The following CARMIL1 variants were observed in gnomAD, a reference collection of about 807,000 sequenced individuals.
The protein encoded by CARMIL1 is F-actin-uncapping protein LRRC16A.
A neutral mutation model predicts 177.1 loss-of-function variants in CARMIL1; 90 were observed. The ratio of observed to expected loss-of-function variants is 0.51; its 90% CI spans 0.43 to 0.61. The LOEUF is 0.61. CARMIL1 is among the 20% of genes least tolerant of loss of function. The pLI is 0.00. For synonymous variants in CARMIL1, 577 were observed against 606.2 expected, an observed-to-expected ratio of 0.95 and a Z score of 0.71; for missense variants, 1,380 against 1,667.0, an observed-to-expected ratio of 0.83 and a Z score of 3.00.
rs190485201 is a variant in CARMIL1 at position 25,500,613 on chromosome 6, G to C, written c.1395+378G>C. Among the ~76,000 whole-genome samples, 3 of 152,246 alleles carry C rather than the reference G, an allele frequency of 2.0e-5. No individual in the cohort carries two copies. The East Asian group carries it at 5.8e-4, about 29-fold the overall frequency. On this transcript the variant is annotated intron_variant, in intron 17 of 36. Coordinates refer to ENST00000329474, the MANE Select transcript of CARMIL1 (RefSeq NM_017640.6). ...TAACCTAACTTGGATTTTGTAGAGC[G>C]TGAAAGAGAATGGCTGTCTTATTAA...
rs77282484 is a variant in CARMIL1 at position 25,445,828 on chromosome 6, A to G, written c.372-4070A>G. ...GACACAAAATATATTTCTTAATAAG[A>G]CTTGAAAGTCAAACCTATTCCTGGA... is the stretch of plus-strand genomic sequence containing the variant. On this transcript the variant is annotated intron_variant, in intron 5 of 36. Transcript: ENST00000329474. Among the ~76,000 whole-genome samples the G allele has an allele frequency of 4.5e-4, 69 of 152,266 alleles. 2 individuals carry two copies. In the South Asian group the frequency reaches 7.1e-3, roughly 16 times the overall value.
At chr6:25,463,846 G>A (rs1392376007) in intron 8 of CARMIL1, among the ~76,000 whole-genome samples, 6 of 115,094 alleles carry the variant, frequency 5.2e-5, no homozygotes, top group Non-Finnish European at 8.9e-5. Context: ...TTTTTGAGAC[G>A]GAGTCTCGCT....
At chr6:25,599,826 A>G (rs188494974) in intron 32 of CARMIL1, among the ~76,000 whole-genome samples, 3 of 152,196 alleles carry the variant, frequency 2.0e-5, no homozygotes, top group Admixed American at 2.0e-4. Context: ...TCTGATGACT[A>G]TCTTGAGTAA....
intron 11 of CARMIL1, among the ~76,000 whole-genome samples, chr6:25,473,550 G>T (rs934415826): frequency 1.3e-5 from 2 of 152,018 alleles, no homozygotes; most frequent in Non-Finnish European, 2.9e-5. Context: ...CATCATAAAG[G>T]TCTTTATCTT....
At chr6:25,506,823 T>C (rs569796165) in intron 17 of CARMIL1, among the ~76,000 whole-genome samples, 11 of 152,350 alleles carry the variant, frequency 7.2e-5, no homozygotes, top group Admixed American at 3.9e-4. Context: ...CTTATCTTTT[T>C]AAATGACAAA....
chr6:25,464,839 A>G (rs1406771928), intron 8 of CARMIL1, among the ~76,000 whole-genome samples: 1 of 152,186 alleles, frequency 6.6e-6, no homozygotes, highest in Non-Finnish European at 1.5e-5. Flanking sequence ...TGAACAGAGC[A>G]GTAAAAGATT....
At chr6:25,381,144 T>C (rs1791486676) in intron 2 of CARMIL1, among the ~76,000 whole-genome samples, 1 of 152,228 alleles carries the variant, frequency 6.6e-6, no homozygotes. Flanking sequence ...ATTCAGTTTT[T>C]GAATTTCTTT....
intron 2 of CARMIL1, among the ~76,000 whole-genome samples, chr6:25,312,529 T>A (rs1783915201): frequency 6.6e-6 from 1 of 152,232 alleles, no homozygotes; most frequent in Non-Finnish European, 1.5e-5. Flanking sequence ...ATGATAACGC[T>A]GGAATTTTCA....
At chr6:25,369,085 TG>T (rs1326294501) in intron 2 of CARMIL1, among the ~76,000 whole-genome samples, 9 of 152,236 alleles carry the variant, frequency 5.9e-5, no homozygotes, top group African/African-American at 2.2e-4. Flanking sequence ...TAAGTTTATC[TG>T]AACTTTTAGG....
At chr6:25,603,845 A>G (rs1815665774) in intron 33 of CARMIL1, among the ~76,000 whole-genome samples, 1 of 152,062 alleles carries the variant, frequency 6.6e-6, no homozygotes, top group African/African-American at 2.4e-5. Flanking sequence ...TTCTACTCCT[A>G]CCCCAAGACA....
chr6:25,404,099 C>A (rs1352901692), intron 2 of CARMIL1, among the ~76,000 whole-genome samples: 1 of 152,198 alleles, frequency 6.6e-6, no homozygotes, highest in Non-Finnish European at 1.5e-5. Context: ...CCCTGCCTCC[C>A]CTCCACTTCT....
At chr6:25,363,566 A>G (rs1357152969) in intron 2 of CARMIL1, among the ~76,000 whole-genome samples, 1 of 152,184 alleles carries the variant, frequency 6.6e-6, no homozygotes, top group Non-Finnish European at 1.5e-5. Context: ...CCGTTGAGTG[A>G]GCTCTTACTT....
intron 2 of CARMIL1, among the ~76,000 whole-genome samples, chr6:25,407,830 A>G (rs1409143237): frequency 6.6e-6 from 1 of 152,222 alleles, no homozygotes; most frequent in Non-Finnish European, 1.5e-5. Context: ...GGGTAGTGGT[A>G]GTACCTGAAT....
chr6:25,450,551 AT>A (rs771266968), intron 7 of CARMIL1, 86 bp from the exon 8 acceptor site: 5 of 1,052,506 alleles, frequency 4.8e-6, no homozygotes, highest in Non-Finnish European at 7.2e-6. Flanking sequence ...AAAACCTGCC[AT>A]TGTCATTGTC....
chr6:25,414,998 T>C (rs1795240728), intron 2 of CARMIL1, among the ~76,000 whole-genome samples: 1 of 152,170 alleles, frequency 6.6e-6, no homozygotes, highest in Non-Finnish European at 1.5e-5. Context: ...AGAAAGGGAG[T>C]TGACACAGAG....
Position 25,441,347 on chromosome 6 carries a change from G to A in CARMIL1, c.371+5743G>A, listed in dbSNP as rs921784394. Among the ~76,000 whole-genome samples the A allele has an allele frequency of 5.5e-3, 639 of 115,592 alleles. 4 individuals are homozygous for A. Among genetic ancestry groups the A allele is most frequent in the African/African-American group, 0.016 (504 of 30,968 alleles). The allele number at this position is 115,592 out of a possible 152,430, so 75.8% of individuals were successfully genotyped here. A position where few individuals can be genotyped will look rare whatever the true frequency, so the allele number is the denominator to read the frequency against. On this transcript the variant is annotated intron_variant, in intron 5 of 36. Coordinates refer to ENST00000329474, the MANE Select transcript of CARMIL1 (RefSeq NM_017640.6). Reference sequence around the variant, plus strand: ...TATATATATATATATATGTGTGTGTGTGTGTGTGTGTGTGTGTGTGTGTGT... The same window carrying A: ...TATATATATATATATATGTGTGTGTATGTGTGTGTGTGTGTGTGTGTGTGT...
chr6:25,609,939 T>C (rs1816363259), intron 35 of CARMIL1, 111 bp from the exon 36 acceptor site: 4 of 1,276,882 alleles, frequency 3.1e-6, no homozygotes, highest in Non-Finnish European at 4.2e-6. Context: ...AAAAATTCTA[T>C]GATGCTTTAT....
At chr6:25,562,234 T>C (rs1169508102) in intron 29 of CARMIL1, among the ~76,000 whole-genome samples, 2 of 151,830 alleles carry the variant, frequency 1.3e-5, no homozygotes, top group East Asian at 3.9e-4. Flanking sequence ...TCCAGAGATC[T>C]GACCCAGATA....
At chr6:25,465,641 C>A (rs915468023) in intron 8 of CARMIL1, 43 of 478,708 alleles carry the variant, frequency 9.0e-5, no homozygotes, top group African/African-American at 5.8e-4. Flanking sequence ...CTGATACCAA[C>A]CTCTTTCCTT....
Sources: allele counts gnomAD v4.1 joint callset (sites outside exome capture counted in the v4.1 genomes callset), GRCh38; gene constraint gnomAD v4.1.1; transcripts MANE v1.5; gene names NCBI Gene and HGNC (gene_info 2026-07-23, HGNC 2026-07-21).